Variants in RIN2 observed in about 807,000 individuals in gnomAD.
The protein encoded by RIN2 is Ras and Rab interactor 2, also known as RAB5 interacting protein 2.
RIN2 carries 36 observed loss-of-function variants against 78.0 expected under a neutral mutation model. The observed-to-expected ratio is 0.46, with a 90% CI of 0.35 to 0.61. RIN2 has a LOEUF of 0.61. Ranked by LOEUF, RIN2 falls within the 20% of genes least tolerant of loss-of-function variation. RIN2 has a pLI of 0.00. For missense variants in RIN2, 1,087 were observed against 1,159.7 expected (o/e 0.94, Z 0.91); for synonymous variants, 466 against 466.8 (o/e 1.00, Z 0.02).
At chr20:19,945,788 C>T (rs749558091) in intron 4 of RIN2, among the ~76,000 whole-genome samples, 10 of 152,130 alleles carry the variant, frequency 6.6e-5, no homozygotes, top group Non-Finnish European at 1.5e-4. Flanking sequence ...AAGGGGTGTC[C>T]ATGGGAGAAA....
chr20:19,777,519 T>C (rs1022738016), intron 1 of RIN2, among the ~76,000 whole-genome samples: 2 of 152,266 alleles, frequency 1.3e-5, no homozygotes, highest in African/African-American at 4.8e-5. Context: ...TTATAAATTG[T>C]TGATAGACCT....
intron 1 of RIN2, among the ~76,000 whole-genome samples, chr20:19,795,659 T>C (rs1229179590): frequency 6.6e-6 from 1 of 152,202 alleles, no homozygotes; most frequent in Non-Finnish European, 1.5e-5. Context: ...CCCTTCTCTA[T>C]AAGACCAAAC....
intron 2 of RIN2, among the ~76,000 whole-genome samples, chr20:19,866,910 C>T (rs942027242): frequency 2.0e-5 from 3 of 152,176 alleles, no homozygotes; most frequent in African/African-American, 7.2e-5. Context: ...CAGGAGTGAG[C>T]CACCATACCT....
chr20:19,913,288 C>G (rs2039552432), intron 3 of RIN2, among the ~76,000 whole-genome samples: 1 of 151,882 alleles, frequency 6.6e-6, no homozygotes, highest in Non-Finnish European at 1.5e-5. Context: ...CCATTTTAAG[C>G]ATTTTTAACC....
In RIN2 at chr20:19,975,811, A is replaced by G; in HGVS notation, c.1762+24A>G. ...AGGTAAGTACCCTCTTTTTTAAAAT[A>G]TAAAATCTATTGTAACTCTGTCCGG... On this transcript the variant is annotated intron_variant, in intron 9 of 12. Transcript: ENST00000255006. This position sits in a 1 kb window ranked among gnomAD's most constrained non-coding sequence, Gnocchi z 4.9. 1 of 1,568,066 alleles carries G rather than the reference A, an allele frequency of 6.4e-7. No homozygotes were observed. The highest frequency in any genetic ancestry group is 8.7e-7 in the Non-Finnish European group (1 of 1,155,122).
chr20:19,889,118 C>T, intron 2 of RIN2: 3 of 985,374 alleles, frequency 3.0e-6, no homozygotes, highest in Non-Finnish European at 3.6e-6. Context: ...GGGGAGAGGC[C>T]AGCAGAGCTA....
At chr20:19,861,455 A>T (rs2037330180) in intron 2 of RIN2, among the ~76,000 whole-genome samples, 1 of 152,218 alleles carries the variant, frequency 6.6e-6, no homozygotes, top group Non-Finnish European at 1.5e-5. Context: ...TAGTTTTAAC[A>T]AAGAACCCTG....
chr20:19,999,664 G>A (rs1185255408), intron 12 of RIN2, among the ~76,000 whole-genome samples: 1 of 152,238 alleles, frequency 6.6e-6, no homozygotes, highest in African/African-American at 2.4e-5. Flanking sequence ...AGAGCCTGAT[G>A]TGAGTTTAAG....
At position 19,868,313 on chromosome 20, in the gene RIN2, T is replaced by G. The variant is rs192280871; in HGVS notation, c.-36-21253T>G. 4.2e-3 allele frequency among the ~76,000 whole-genome samples: 644 copies of G among 152,382 alleles called. 2 individuals are homozygous for G. Among genetic ancestry groups the G allele is most frequent in the Middle Eastern group, 0.01 (3 of 294 alleles). ...TGGGACATACGCGCTTTCCACCGCC[T>G]GGCTACGTTATGAGTTTCTTAGTGG... On this transcript the variant is annotated intron_variant, in intron 2 of 12. Coordinates refer to ENST00000255006, the MANE Select transcript of RIN2 (RefSeq NM_018993.4).
chr20:19,946,765 T>G (rs2041110765), intron 4 of RIN2, among the ~76,000 whole-genome samples: 1 of 142,456 alleles, frequency 7.0e-6, no homozygotes, highest in Admixed American at 7.2e-5. Flanking sequence ...GTGCGGTGGC[T>G]CACACCTATA....
chr20:19,884,217 G>A (rs1262614993), intron 2 of RIN2, among the ~76,000 whole-genome samples: 1 of 149,290 alleles, frequency 6.7e-6, no homozygotes, highest in Admixed American at 6.7e-5. Context: ...AGGAGTTTGA[G>A]ACCAGCCTGG....
At chr20:19,941,937 A>AC (rs1228585023) in intron 4 of RIN2, among the ~76,000 whole-genome samples, 3 of 151,978 alleles carry the variant, frequency 2.0e-5, no homozygotes, top group Non-Finnish European at 2.9e-5. Flanking sequence ...ACATGGTGAA[A>AC]CCCCCTCTCT....
intron 1 of RIN2, among the ~76,000 whole-genome samples, chr20:19,799,400 T>C (rs2035171867): frequency 2.0e-5 from 3 of 152,170 alleles, no homozygotes; most frequent in Admixed American, 2.0e-4. Flanking sequence ...AATCTGAGCA[T>C]TGGCACAGGG....
At chr20:19,945,997 C>T (rs143059168) in intron 4 of RIN2, among the ~76,000 whole-genome samples, 11 of 152,256 alleles carry the variant, frequency 7.2e-5, no homozygotes, top group African/African-American at 2.6e-4. Flanking sequence ...TGTTAGGGGG[C>T]CTCAGAAAGA....
chr20:19,792,366 C>G (rs994463410), intron 1 of RIN2, among the ~76,000 whole-genome samples: 5 of 152,210 alleles, frequency 3.3e-5, no homozygotes, highest in African/African-American at 9.7e-5. Flanking sequence ...ACTGAGGCCT[C>G]ATAGTGTCAT....
At chr20:19,971,485 T>C (rs2042105753) in intron 8 of RIN2, among the ~76,000 whole-genome samples, 1 of 152,128 alleles carries the variant, frequency 6.6e-6, no homozygotes, top group Non-Finnish European at 1.5e-5. Flanking sequence ...CCCCATTGCC[T>C]TGGGGGAATC....
chr20:19,923,488 T>TAAA (rs1298455817), intron 3 of RIN2, among the ~76,000 whole-genome samples: 30 of 141,644 alleles, frequency 2.1e-4, no homozygotes, highest in African/African-American at 8.1e-4. Flanking sequence ...TAAAATAAAA[T>TAAA]AAATATTGGC....
Position 20,000,915 on chromosome 20 carries a change from A to C in RIN2, c.2667A>C (p.Glu889Asp), listed in dbSNP as rs763673862. ...DPYGIIFQNG[E>D]EDLTTS ...ATGGCATCATTTTCCAGAACGGGGA[A>C]GAAGACCTCACCACCTCCTAGAAGA... The change falls in exon 13 of 13, where the codon GAA (glutamate) becomes GAC (aspartate). Residue 889 changes from glutamate to aspartate, a missense_variant. Glu to Asp is a conservative substitution (Grantham distance 45, BLOSUM62 2). Transcript: ENST00000255006. 1.2e-6 allele frequency: 2 copies of C among 1,611,944 alleles called. No individual in the cohort carries two copies. Among genetic ancestry groups the C allele is most frequent in the Non-Finnish European group, 1.7e-6 (2 of 1,178,872 alleles).
intron 3 of RIN2, among the ~76,000 whole-genome samples, chr20:19,891,321 T>C (rs2038449886): frequency 1.3e-5 from 2 of 152,200 alleles, no homozygotes; most frequent in Non-Finnish European, 2.9e-5. Context: ...CCAATTGTCA[T>C]CCTCCAGGTT....
Sources: gnomAD v4.1 joint callset for allele counts (sites outside exome capture counted in the v4.1 genomes callset) on GRCh38, gnomAD v4.1.1 for gene constraint, Gnocchi (gnomAD v3.1) non-coding constraint, MANE v1.5 for transcripts, NCBI Gene and HGNC (gene_info 2026-07-23, HGNC 2026-07-21) for gene names.